AVEN: variants seen among roughly 807,000 people sequenced by gnomAD.
The protein encoded by AVEN is apoptosis and caspase activation inhibitor.
AVEN carries 41 observed loss-of-function variants against 38.1 expected under a neutral mutation model. The ratio of observed to expected loss-of-function variants is 1.08; its 90% CI spans 0.84 to 1.40. The LOEUF is 1.40. Among genes scored for constraint, AVEN ranks in the 40% most tolerant of loss-of-function variants. The pLI, the probability that AVEN is intolerant of heterozygous loss-of-function variation, is 0.00. For synonymous variants in AVEN, 206 were observed against 171.8 expected (o/e 1.20, Z -1.56); for missense variants, 605 against 438.8 (o/e 1.38, Z -3.38).
intron 1 of AVEN, among the ~76,000 whole-genome samples, chr15:34,025,384 G>C (rs1898411963): frequency 6.6e-6 from 1 of 152,158 alleles, no homozygotes; most frequent in Non-Finnish European, 1.5e-5. Flanking sequence ...TAAAAAATGA[G>C]CAGGAAGCAG....
upstream of AVEN, among the ~76,000 whole-genome samples, chr15:34,040,458 A>G (rs1030143464): frequency 6.6e-6 from 1 of 152,214 alleles, no homozygotes; most frequent in African/African-American, 2.4e-5. Flanking sequence ...TGTCAACTCC[A>G]GAGAAACAGT....
At chr15:33,919,777 T>C (rs551328898) in intron 2 of AVEN, among the ~76,000 whole-genome samples, 25 of 152,310 alleles carry the variant, frequency 1.6e-4, no homozygotes, top group African/African-American at 6.0e-4. Flanking sequence ...TTCCAGGTAT[T>C]TGGCCTCATT....
chr15:33,997,298 G>T (rs996972971), intron 2 of AVEN, among the ~76,000 whole-genome samples: 2 of 152,002 alleles, frequency 1.3e-5, no homozygotes, highest in Non-Finnish European at 2.9e-5. Flanking sequence ...TAAGTATCAA[G>T]ACTACTTTTT....
At chr15:34,008,469 A>C (rs931011390) in intron 1 of AVEN, among the ~76,000 whole-genome samples, 2 of 148,936 alleles carry the variant, frequency 1.3e-5, no homozygotes, top group African/African-American at 5.0e-5. Context: ...AACTTCCCAA[A>C]GTTGATGAAA....
chr15:34,042,949 G>A (rs1330276483), upstream of AVEN, among the ~76,000 whole-genome samples: 1 of 151,978 alleles, frequency 6.6e-6, no homozygotes, highest in East Asian at 1.9e-4. Flanking sequence ...GTAATTCCTA[G>A]TCTAAGACTA....
intron 5 of AVEN, among the ~76,000 whole-genome samples, chr15:34,053,319 AATATAT>A (rs71119922): frequency 3.8e-4 from 16 of 42,068 alleles, no homozygotes; most frequent in African/African-American, 1.1e-3. Context: ...AAAAAAAAAA[AATATAT>A]ATATATATAT....
intron 2 of AVEN, among the ~76,000 whole-genome samples, chr15:33,915,561 G>A (rs1241094689): frequency 6.6e-6 from 1 of 152,202 alleles, no homozygotes; most frequent in African/African-American, 2.4e-5. Context: ...GTCTCACAGA[G>A]GTCCTTGGGG....
downstream of AVEN, chr15:33,864,114 A>AAT: frequency 6.3e-7 from 1 of 1,588,610 alleles, no homozygotes; most frequent in Non-Finnish European, 8.6e-7. Flanking sequence ...CAGAGTATCT[A>AAT]ATACTATCTT....
At chr15:34,010,622 G>C (rs1597346442) in intron 1 of AVEN, among the ~76,000 whole-genome samples, 2 of 151,942 alleles carry the variant, frequency 1.3e-5, no homozygotes, top group Non-Finnish European at 2.9e-5. Context: ...CCTCACAAAA[G>C]GTAAATTATA....
chr15:33,985,210 CAT>C (rs954951758), intron 2 of AVEN, among the ~76,000 whole-genome samples: 1 of 151,956 alleles, frequency 6.6e-6, no homozygotes, highest in African/African-American at 2.4e-5. Context: ...TAGCAGAAGA[CAT>C]GAGACACCTG....
chr15:34,072,018 C>T (rs1320541679), intron 1 of AVEN, among the ~76,000 whole-genome samples: 1 of 152,090 alleles, frequency 6.6e-6, no homozygotes, highest in South Asian at 2.1e-4. Context: ...GTAATTCCAG[C>T]ACTTTGGGAG....
chr15:33,920,923 A>C (rs991823894), intron 2 of AVEN, among the ~76,000 whole-genome samples: 2 of 151,952 alleles, frequency 1.3e-5, no homozygotes, highest in Non-Finnish European at 2.9e-5. Flanking sequence ...CCACAGGCGC[A>C]CACCACCACA....
downstream of AVEN, among the ~76,000 whole-genome samples, chr15:33,858,442 G>C (rs2153010057): frequency 6.6e-6 from 1 of 152,014 alleles, no homozygotes; most frequent in African/African-American, 2.4e-5. Flanking sequence ...CCCGACCTCA[G>C]GTGATCTGCC....
At chr15:33,987,466 C>CTCAA (rs772769230) in intron 2 of AVEN, among the ~76,000 whole-genome samples, 1 of 152,204 alleles carries the variant, frequency 6.6e-6, no homozygotes, top group Non-Finnish European at 1.5e-5. Context: ...AACCCACAGA[C>CTCAA]TCAAGGTCTT....
intron 4 of AVEN, among the ~76,000 whole-genome samples, chr15:33,870,326 C>T (rs1280468243): frequency 6.6e-6 from 1 of 152,122 alleles, no homozygotes; most frequent in Non-Finnish European, 1.5e-5. Context: ...CACTCCAATC[C>T]CACAGTCTTC....
chr15:33,948,292 T>C (rs772126315), intron 2 of AVEN, among the ~76,000 whole-genome samples: 2 of 151,416 alleles, frequency 1.3e-5, no homozygotes, highest in African/African-American at 2.4e-5. Context: ...AGACGGGGTT[T>C]CACTATCTTG....
At chr15:34,050,404 A>G (rs1017826762) in intron 5 of AVEN, among the ~76,000 whole-genome samples, 12 of 152,212 alleles carry the variant, frequency 7.9e-5, no homozygotes, top group African/African-American at 2.9e-4. Flanking sequence ...AACACACTGA[A>G]GTACACAGAC....
chr15:33,896,512 TCCA>T (rs1274792637), intron 2 of AVEN, among the ~76,000 whole-genome samples: 3 of 152,192 alleles, frequency 2.0e-5, no homozygotes, highest in Admixed American at 2.0e-4. Context: ...TCCAGTGGTG[TCCA>T]GGAGAACTGT....
intron 2 of AVEN, among the ~76,000 whole-genome samples, chr15:34,070,002 C>T (rs1175481405): frequency 3.3e-5 from 5 of 152,128 alleles, no homozygotes; most frequent in Non-Finnish European, 4.4e-5. Context: ...GAAATACCCA[C>T]GACTGGGTAA....
Sources: gnomAD v4.1 joint callset for allele counts (sites outside exome capture counted in the v4.1 genomes callset) on GRCh38, gnomAD v4.1.1 for gene constraint, MANE v1.5 for transcripts, NCBI Gene and HGNC (gene_info 2026-07-23, HGNC 2026-07-21) for gene names.